Variants in LINGO2 observed in about 807,000 individuals in gnomAD.
LINGO2 encodes the protein leucine-rich repeat and immunoglobulin-like domain-containing nogo receptor-interacting protein 2.
A neutral mutation model predicts 30.6 loss-of-function variants in LINGO2; 14 were observed. The ratio of observed to expected loss-of-function variants is 0.46; its 90% CI spans 0.30 to 0.72. LINGO2 has a LOEUF of 0.72. Among genes scored for constraint, LINGO2 ranks in the 30% least tolerant of loss-of-function variants. LINGO2 has a pLI of 0.07. For missense variants in LINGO2, 729 were observed against 751.7 expected (o/e 0.97, Z 0.35); for synonymous variants, 317 against 288.5 (o/e 1.10, Z -1.00).
At chr9:28,518,935 C>A (rs942123768) in intron 1 of LINGO2, among the ~76,000 whole-genome samples, 1 of 152,082 alleles carries the variant, frequency 6.6e-6, no homozygotes, top group Non-Finnish European at 1.5e-5. Flanking sequence ...TTGTGTTGTA[C>A]TTTCTGCTTT....
chr9:28,278,965 C>A (rs780496272), intron 4 of LINGO2, among the ~76,000 whole-genome samples: 3 of 152,088 alleles, frequency 2.0e-5, no homozygotes, highest in Non-Finnish European at 2.9e-5. Flanking sequence ...GTCAAAATAA[C>A]AACCCTAACA....
At chr9:29,201,795 T>G in the LINGO2 span, among the ~76,000 whole-genome samples, 2 of 152,052 alleles carry the variant, frequency 1.3e-5, no homozygotes, top group African/African-American at 4.8e-5. Flanking sequence ...CCATGCTTTA[T>G]CCTATCATCG....
At chr9:28,298,028 G>A (rs1040790257) in intron 3 of LINGO2, among the ~76,000 whole-genome samples, 1 of 152,158 alleles carries the variant, frequency 6.6e-6, no homozygotes, top group Non-Finnish European at 1.5e-5. Context: ...TCTCCTTGAA[G>A]AGAAGTCTAT....
intron 4 of LINGO2, among the ~76,000 whole-genome samples, chr9:28,105,729 T>TCA (rs1826568836): frequency 6.6e-6 from 1 of 151,996 alleles, no homozygotes; most frequent in Admixed American, 6.6e-5. Flanking sequence ...ACTCTCTCTC[T>TCA]CTCTCTCTCT....
chr9:28,886,308 G>C, the LINGO2 span, among the ~76,000 whole-genome samples: 1 of 152,006 alleles, frequency 6.6e-6, no homozygotes, highest in African/African-American at 2.4e-5. Context: ...CAAAAAATTG[G>C]ATCTAAGCTA....
At chr9:28,066,285 T>C (rs1346141646) in intron 4 of LINGO2, among the ~76,000 whole-genome samples, 1 of 152,110 alleles carries the variant, frequency 6.6e-6, no homozygotes, top group Non-Finnish European at 1.5e-5. Flanking sequence ...AGAAAAAGTT[T>C]GGAGAAATGT....
chr9:28,918,026 C>G, the LINGO2 span, among the ~76,000 whole-genome samples: 3 of 152,056 alleles, frequency 2.0e-5, no homozygotes, highest in African/African-American at 4.8e-5. Context: ...GTATATTCAG[C>G]TAGAAAACAG....
At chr9:28,032,940 G>A (rs1333419782) in intron 4 of LINGO2, among the ~76,000 whole-genome samples, 1 of 152,162 alleles carries the variant, frequency 6.6e-6, no homozygotes, top group Non-Finnish European at 1.5e-5. Context: ...AAAGTTTTAG[G>A]AGACAGCATC....
At chr9:29,025,719 A>G in the LINGO2 span, among the ~76,000 whole-genome samples, 1 of 152,302 alleles carries the variant, frequency 6.6e-6, no homozygotes, top group East Asian at 1.9e-4. Flanking sequence ...TATTAACCAT[A>G]GTCACCATGT....
intron 4 of LINGO2, among the ~76,000 whole-genome samples, chr9:28,230,563 T>C: frequency 6.6e-6 from 1 of 151,878 alleles, no homozygotes; most frequent in Non-Finnish European, 1.5e-5. Flanking sequence ...TATGTTTTAT[T>C]TTTTCAATTA....
chr9:28,632,854 T>TATATATATA (rs1563878982), intron 1 of LINGO2, among the ~76,000 whole-genome samples: 6 of 83,080 alleles, frequency 7.2e-5, no homozygotes, highest in African/African-American at 4.6e-4. Context: ...TATATATATT[T>TATATATATA]TTTATATATA....
chr9:28,518,965 A>G (rs1820729925), intron 1 of LINGO2, among the ~76,000 whole-genome samples: 1 of 152,168 alleles, frequency 6.6e-6, no homozygotes. Context: ...GTTGCATCCT[A>G]TAAATACTTG....
chr9:28,286,816 G>A (rs1477098607), intron 4 of LINGO2, among the ~76,000 whole-genome samples: 3 of 152,158 alleles, frequency 2.0e-5, no homozygotes, highest in East Asian at 3.9e-4. Flanking sequence ...TCAGAAGGTA[G>A]AGGGTGGGAG....
chr9:27,939,306 G>C, the LINGO2 span: 7 of 152,250 alleles, frequency 4.6e-5, no homozygotes, highest in Admixed American at 4.6e-4. Flanking sequence ...GTTACTTTCA[G>C]TTTCCGTGAA....
chr9:28,314,394 G>A (rs1824756399), intron 3 of LINGO2, among the ~76,000 whole-genome samples: 1 of 152,124 alleles, frequency 6.6e-6, no homozygotes, highest in Non-Finnish European at 1.5e-5. Context: ...AGAAATCAGA[G>A]TCAGTAAATT....
the LINGO2 span, among the ~76,000 whole-genome samples, chr9:28,727,387 G>A: frequency 6.6e-6 from 1 of 151,950 alleles, no homozygotes; most frequent in East Asian, 1.9e-4. Context: ...CCAGGTTCAA[G>A]CCATTCTCCT....
At chr9:28,564,026 T>C (rs543570261) in intron 1 of LINGO2, among the ~76,000 whole-genome samples, 1 of 152,292 alleles carries the variant, frequency 6.6e-6, no homozygotes, top group South Asian at 2.1e-4. Flanking sequence ...TGCACATACG[T>C]GTTTAAATCA....
At chr9:28,967,315 G>C in the LINGO2 span, among the ~76,000 whole-genome samples, 43 of 152,226 alleles carry the variant, frequency 2.8e-4, no homozygotes, top group African/African-American at 9.6e-4. Flanking sequence ...AGAGCCTAAA[G>C]AATTTAACTG....
At chr9:28,385,440 T>C (rs547924667) in intron 2 of LINGO2, among the ~76,000 whole-genome samples, 2 of 152,256 alleles carry the variant, frequency 1.3e-5, no homozygotes, top group African/African-American at 2.4e-5. Flanking sequence ...TGGGGAGGGA[T>C]TGCTGTATTC....
Sources: gnomAD v4.1 joint callset for allele counts (sites outside exome capture counted in the v4.1 genomes callset) on GRCh38, gnomAD v4.1.1 for gene constraint, MANE v1.5 for transcripts, NCBI Gene and HGNC (gene_info 2026-07-23, HGNC 2026-07-21) for gene names.